U2AF2: variants seen among roughly 807,000 people sequenced by gnomAD.
The protein encoded by U2AF2 is U2 small nuclear RNA auxiliary factor 2, also known as splicing factor U2AF 65 kDa subunit.
In U2AF2, 6 loss-of-function variants were observed where a neutral mutation model predicts 52.6. That is an observed-to-expected ratio of 0.11 (90% CI 0.06 to 0.23). The LOEUF is 0.23. U2AF2 is among the 10% of genes least tolerant of loss of function. The pLI is 1.00. For synonymous variants in U2AF2, 284 were observed against 258.2 expected (o/e 1.10, Z -0.96); for missense variants, 222 against 677.1 (o/e 0.33, Z 7.46).
Position 55,674,175 on chromosome 19 carries a change from GAC to G in U2AF2, c.*112_*113del. 2 of 825,982 alleles carry G rather than the reference GAC, an allele frequency of 2.4e-6. No homozygotes were observed. The highest frequency in any genetic ancestry group is 1.5e-6 in the Non-Finnish European group (1 of 669,216). The allele number at this position is 825,982 out of a possible 1,614,324, so 51.2% of individuals were successfully genotyped here. A position where few individuals can be genotyped will look rare whatever the true frequency, so the allele number is the denominator to read the frequency against. ...GATGGGCAGAGGAGTGACAGCCGCAGACACACGACAGCCGGCAGCAACTGGAA... is the reference window on the plus strand; with the variant it reads ...GATGGGCAGAGGAGTGACAGCCGCAGACACGACAGCCGGCAGCAACTGGAA... On this transcript the variant is annotated 3_prime_UTR_variant, in exon 12 of 12. Transcript: ENST00000308924.
chr19:55,669,833 GCGCGTGCGT>G, intron 11 of U2AF2, 141 bp downstream of exon 11: 1 of 1,318,574 alleles, frequency 7.6e-7, no homozygotes, highest in Non-Finnish European at 1.0e-6. Context: ...TCCTCTCGCA[GCGCGTGCGT>G]ATAGGTGTAT....
chr19:55,666,324 C>T (rs566657893), intron 7 of U2AF2, among the ~76,000 whole-genome samples: 73 of 152,354 alleles, frequency 4.8e-4, no homozygotes, highest in Non-Finnish European at 7.9e-4. Flanking sequence ...TTTGTAGATG[C>T]AGCCGCTGCA....
At chr19:55,671,395 C>CG (rs1192347420) in intron 11 of U2AF2, 1 of 8,002 alleles carries the variant, frequency 1.2e-4, no homozygotes, top group African/African-American at 4.5e-4. Flanking sequence ...CGGGGGTGAG[C>CG]GGGGGGTGGG....
chr19:55,673,489 A>C (rs2122135336), intron 11 of U2AF2, among the ~76,000 whole-genome samples: 1 of 152,240 alleles, frequency 6.6e-6, no homozygotes, highest in South Asian at 2.1e-4. Context: ...CAAGTTTTTA[A>C]ATTTTATTCA....
At chr19:55,657,073 C>T (rs1015828888) in intron 1 of U2AF2, among the ~76,000 whole-genome samples, 4 of 152,206 alleles carry the variant, frequency 2.6e-5, no homozygotes, top group Admixed American at 2.6e-4. Flanking sequence ...GCTCTGGCTG[C>T]AAGGCCAAGT....
At chr19:55,663,182 C>G (rs1424647021) in intron 6 of U2AF2, among the ~76,000 whole-genome samples, 1 of 152,076 alleles carries the variant, frequency 6.6e-6, no homozygotes, top group African/African-American at 2.4e-5. Context: ...AGCACTCCCT[C>G]TCACTCTGTC....
At chr19:55,661,445 A>G in intron 5 of U2AF2, 2 of 464,726 alleles carry the variant, frequency 4.3e-6, no homozygotes, top group Admixed American at 3.8e-5. Flanking sequence ...GCACACACAT[A>G]ATGTACCCAC....
rs1284086025 is a variant in U2AF2, at chr19:55,663,722, G to A, written c.720G>A (p.Glu240=). Residue 240 remains glutamate (E), a synonymous_variant, in exon 7 of 12, where the codon GAG becomes GAA. Coordinates refer to ENST00000308924, the MANE Select transcript of U2AF2 (RefSeq NM_007279.3). ...HDYQPLPGMS[E]NPSVYVPGVV... is the part of the protein sequence containing the mutation. The stretch of plus-strand genomic sequence containing the variant: ...ACCAGCCGCTTCCTGGCATGTCAGA[G>A]AACCCCTCCGTCTATGTGCCTGGTG... The A allele has an allele frequency of 1.2e-6, 2 of 1,614,140 alleles. No individual in the cohort carries two copies. Among genetic ancestry groups the A allele is most frequent in the South Asian group, 2.2e-5 (2 of 91,078 alleles).
At chr19:55,669,400 G>GGT (rs1157247256) in intron 10 of U2AF2, 44 bp from the exon 11 acceptor site, 1 of 1,562,368 alleles carries the variant, frequency 6.4e-7, no homozygotes, top group Admixed American at 1.8e-5. Flanking sequence ...AGGGAGACTG[G>GGT]GTCTGGGCCC....
intron 2 of U2AF2, 42 bp from the exon 3 acceptor site, chr19:55,660,135 C>G (rs777823301): frequency 6.3e-7 from 1 of 1,578,570 alleles, no homozygotes; most frequent in East Asian, 2.3e-5. Flanking sequence ...AGACGAGGGT[C>G]CCCAGTCACC....
At chr19:55,655,497 A>G (rs1204776201) in intron 1 of U2AF2, among the ~76,000 whole-genome samples, 1 of 152,266 alleles carries the variant, frequency 6.6e-6, no homozygotes, top group Non-Finnish European at 1.5e-5. Context: ...TTTCTCTGAA[A>G]AGGAGATTAT....
rs151200677 is a variant in U2AF2 at position 55,674,410 on chromosome 19, CCTTT to C, written c.*346_*349del. On this transcript the variant is annotated 3_prime_UTR_variant, in exon 12 of 12. Coordinates refer to ENST00000308924, the MANE Select transcript of U2AF2 (RefSeq NM_007279.3). ...ACAGCCTCTCCTTCTCCCATAGACC[CCTTT>C]CTTCTCCCCTTCCCCACGGTAGGAA... The C allele has an allele frequency of 0.01, 2,330 of 232,852 alleles. 65 individuals are homozygous for C. Among genetic ancestry groups the C allele is most frequent in the African/African-American group, 0.049 (2,172 of 44,038 alleles). 14.4% of individuals were successfully genotyped at this position (232,852 alleles called of 1,614,324 possible). A position where few individuals can be genotyped will look rare whatever the true frequency, so the allele number is the denominator to read the frequency against.
chr19:55,665,739 C>G (rs2123687073), intron 7 of U2AF2, among the ~76,000 whole-genome samples: 1 of 151,806 alleles, frequency 6.6e-6, no homozygotes, highest in East Asian at 1.9e-4. Context: ...ACCTCCGCCT[C>G]CCAGGTTCAA....
chr19:55,663,064 T>G (rs960798418), intron 6 of U2AF2, among the ~76,000 whole-genome samples: 1 of 152,170 alleles, frequency 6.6e-6, no homozygotes, highest in Non-Finnish European at 1.5e-5. Flanking sequence ...AGGCCTTGGT[T>G]TTTGATTTTC....
chr19:55,665,669 G>C (rs987021934), intron 7 of U2AF2, among the ~76,000 whole-genome samples: 5 of 152,178 alleles, frequency 3.3e-5, no homozygotes, highest in Non-Finnish European at 5.9e-5. Flanking sequence ...TGTTTTTTGA[G>C]ACGGAGTCTT....
rs912455190 is a variant in U2AF2, at chr19:55,668,495, C to T, written c.743-12C>T. The T allele has an allele frequency of 5.7e-6, 9 of 1,576,698 alleles. No homozygotes were observed. Among genetic ancestry groups the T allele is most frequent in the Admixed American group, 5.4e-5 (3 of 55,996 alleles). On this transcript the variant is annotated splice_polypyrimidine_tract_variant and intron_variant, in intron 7 of 11. Coordinates refer to ENST00000308924, the MANE Select transcript of U2AF2 (RefSeq NM_007279.3). The surrounding 1 kb of genome is among the most constrained non-coding windows in gnomAD (Gnocchi z 5.5). ...GTACTGGAATTGAAGTCCTCCTCTT[C>T]TCTACCCATAGGGGTTGTGTCCACT... is the stretch of plus-strand genomic sequence containing the variant.
At chr19:55,667,629 C>G (rs1399856901) in intron 7 of U2AF2, among the ~76,000 whole-genome samples, 1 of 152,194 alleles carries the variant, frequency 6.6e-6, no homozygotes, top group African/African-American at 2.4e-5. Context: ...GCCCACAGTT[C>G]CCAGTGAGAT....
chr19:55,669,046 TCCCCGCACC>T (rs1377047775), intron 9 of U2AF2, 28 bp from the exon 10 acceptor site: 1 of 1,596,868 alleles, frequency 6.3e-7, no homozygotes, highest in African/African-American at 1.3e-5. Context: ...ACCCCACCTC[TCCCCGCACC>T]CCCCGACCCC....
intron 7 of U2AF2, among the ~76,000 whole-genome samples, chr19:55,664,533 C>T (rs1023037644): frequency 3.7e-4 from 57 of 152,148 alleles, no homozygotes; most frequent in African/African-American, 1.2e-3. Context: ...TGTCAGGGTG[C>T]GGCTGTGTCT....
Sources: gnomAD v4.1 joint callset for allele counts (sites outside exome capture counted in the v4.1 genomes callset) on GRCh38, gnomAD v4.1.1 for gene constraint, Gnocchi (gnomAD v3.1) non-coding constraint, MANE v1.5 for transcripts, NCBI Gene and HGNC (gene_info 2026-07-23, HGNC 2026-07-21) for gene names.